The following KCNMA1 variants were observed in gnomAD, a reference collection of about 807,000 sequenced individuals.
The protein encoded by KCNMA1 is Calcium-activated potassium channel subunit alpha-1.
Under a neutral mutation model 140.0 loss-of-function variants are expected in KCNMA1, and 29 were observed. The ratio of observed to expected loss-of-function variants is 0.21; its 90% CI spans 0.15 to 0.28. The LOEUF (loss-of-function observed/expected upper bound fraction) is 0.28. KCNMA1 is among the 10% of genes least tolerant of loss of function. The pLI, the probability that KCNMA1 is intolerant of heterozygous loss-of-function variation, is 1.00. For synonymous variants in KCNMA1, 612 were observed against 611.9 expected (o/e 1.00, Z 0.00); for missense variants, 880 against 1,602.2 (o/e 0.55, Z 7.70).
At chr10:77,571,170 GA>G (rs1211889281) in intron 1 of KCNMA1, among the ~76,000 whole-genome samples, 1 of 151,926 alleles carries the variant, frequency 6.6e-6, no homozygotes, top group Non-Finnish European at 1.5e-5. Flanking sequence ...TATTCCATTG[GA>G]ACTATATCTG....
At chr10:77,298,155 A>G (rs1158937937) in intron 2 of KCNMA1, among the ~76,000 whole-genome samples, 1 of 152,216 alleles carries the variant, frequency 6.6e-6, no homozygotes, top group Non-Finnish European at 1.5e-5. Context: ...AGAGCTTGTC[A>G]ACAAAAAGGA....
intron 3 of KCNMA1, chr10:77,250,501 T>C (rs1057465605): frequency 4.5e-5 from 7 of 154,970 alleles, no homozygotes; most frequent in Admixed American, 2.5e-4. Flanking sequence ...GCCCTCTTCA[T>C]CCTTCTGCAA....
intron 1 of KCNMA1, among the ~76,000 whole-genome samples, chr10:77,413,417 C>T (rs535823568): frequency 4.3e-4 from 66 of 152,190 alleles, no homozygotes; most frequent in Middle Eastern, 3.4e-3. Flanking sequence ...ACCTCCTGGG[C>T]GGGTTTCCCA....
At chr10:77,183,593 T>G in intron 4 of KCNMA1, 61 bp from the exon 5 acceptor site, 1 of 1,135,434 alleles carries the variant, frequency 8.8e-7, no homozygotes, top group Admixed American at 1.9e-5. Flanking sequence ...TGGCATCCAA[T>G]GTACACTCTT....
At chr10:77,238,446 C>T (rs1230855214) in intron 3 of KCNMA1, among the ~76,000 whole-genome samples, 1 of 152,178 alleles carries the variant, frequency 6.6e-6, no homozygotes, top group Non-Finnish European at 1.5e-5. Flanking sequence ...TCAAAGAGCT[C>T]TTAGGCTTGG....
Position 77,493,627 on chromosome 10 carries a change from G to A in KCNMA1, c.379-89604C>T, listed in dbSNP as rs187193692. 2.2e-3 allele frequency among the ~76,000 whole-genome samples: 331 copies of A among 152,366 alleles called. 1 individual carries two copies. Among genetic ancestry groups the A allele is most frequent in the Non-Finnish European group, 4.0e-3 (270 of 68,038 alleles). ...CAAAAGGCCACATGTTTAACACCAC[G>A]TCAATCAATCAACGGAGGTGCACTG... On this transcript the variant is annotated intron_variant, in intron 1 of 27. Coordinates refer to ENST00000286628, the MANE Select transcript of KCNMA1 (RefSeq NM_001161352.2).
intron 5 of KCNMA1, among the ~76,000 whole-genome samples, chr10:77,171,968 T>C (rs1015679708): frequency 1.3e-5 from 2 of 152,182 alleles, no homozygotes; most frequent in Admixed American, 6.5e-5. Flanking sequence ...TAACATCTTA[T>C]AGAGGCAAGA....
At chr10:77,293,737 T>G (rs754502183) in intron 2 of KCNMA1, among the ~76,000 whole-genome samples, 1 of 152,228 alleles carries the variant, frequency 6.6e-6, no homozygotes, top group Admixed American at 6.5e-5. Context: ...CCCTTTCTCA[T>G]GTCCTCAAAG....
intron 19 of KCNMA1, chr10:76,977,775 G>A (rs886258529): frequency 6.5e-6 from 4 of 611,426 alleles, no homozygotes; most frequent in Non-Finnish European, 1.2e-5. Context: ...TAGCCCTGCT[G>A]GTCCGCTCGT....
intron 2 of KCNMA1, among the ~76,000 whole-genome samples, chr10:77,367,027 G>C (rs2094406896): frequency 6.6e-6 from 1 of 152,204 alleles, no homozygotes; most frequent in African/African-American, 2.4e-5. Context: ...CCTAGGGAGA[G>C]AAACATCTGA....
intron 16 of KCNMA1, among the ~76,000 whole-genome samples, chr10:77,025,998 A>AATATATAT (rs34726010): frequency 3.6e-5 from 5 of 139,908 alleles, no homozygotes; most frequent in Non-Finnish European, 6.2e-5. Flanking sequence ...AGAAAAAAAA[A>AATATATAT]ATATATATAT....
chr10:77,224,420 G>A (rs890933810), intron 3 of KCNMA1, among the ~76,000 whole-genome samples: 1 of 152,186 alleles, frequency 6.6e-6, no homozygotes, highest in African/African-American at 2.4e-5. Context: ...TGGATGCAAA[G>A]GCAGGACCCT....
chr10:77,608,544 C>T (rs1191132464), intron 1 of KCNMA1, among the ~76,000 whole-genome samples: 2 of 152,134 alleles, frequency 1.3e-5, no homozygotes. Flanking sequence ...CCCACACACA[C>T]ACGCATTATA....
chr10:77,092,790 C>A (rs1253256441), intron 9 of KCNMA1, among the ~76,000 whole-genome samples: 2 of 152,194 alleles, frequency 1.3e-5, no homozygotes, highest in East Asian at 3.9e-4. Flanking sequence ...AACATTCGTT[C>A]TTCCTACCCA....
chr10:76,914,711 C>T lies in KCNMA1; in HGVS notation c.3016+225G>A, dbSNP rs1304504370. On this transcript the variant is annotated intron_variant, in intron 24 of 27. Coordinates refer to ENST00000286628, the MANE Select transcript of KCNMA1 (RefSeq NM_001161352.2). ...TCTCATGCTCCTTTGAAAACAGTGA[C>T]CAGCATGAAGGAAACTGTCTATTCA... The T allele has an allele frequency of 6.4e-6, 3 of 470,154 alleles. No individual in the cohort carries two copies. The East Asian group carries it at 1.2e-4, about 19-fold the overall frequency. The allele number at this position is 470,154 out of a possible 1,614,324, so 29.1% of individuals were successfully genotyped here.
At chr10:77,225,061 T>C (rs1320719787) in intron 3 of KCNMA1, among the ~76,000 whole-genome samples, 1 of 152,102 alleles carries the variant, frequency 6.6e-6, no homozygotes, top group African/African-American at 2.4e-5. Context: ...GTTTTATGAG[T>C]GAATGAATAA....
intron 25 of KCNMA1, among the ~76,000 whole-genome samples, chr10:76,900,176 T>C (rs145931192): frequency 7.8e-4 from 119 of 152,204 alleles, no homozygotes; most frequent in African/African-American, 2.7e-3. Flanking sequence ...CACTGTTTCA[T>C]AATATAACAA....
At chr10:77,403,324 G>A (rs979708919) in intron 2 of KCNMA1, among the ~76,000 whole-genome samples, 1 of 152,230 alleles carries the variant, frequency 6.6e-6, no homozygotes, top group Non-Finnish European at 1.5e-5. Flanking sequence ...CCTCAGGTGG[G>A]CTACTGATGC....
intron 2 of KCNMA1, among the ~76,000 whole-genome samples, chr10:77,392,414 G>A (rs1419832534): frequency 2.0e-5 from 3 of 152,188 alleles, no homozygotes; most frequent in Non-Finnish European, 4.4e-5. Context: ...GGACTAGAAT[G>A]TCTGAGCTCC....
Sources: gnomAD v4.1 joint callset for allele counts (sites outside exome capture counted in the v4.1 genomes callset) on GRCh38, gnomAD v4.1.1 for gene constraint, MANE v1.5 for transcripts, NCBI Gene and HGNC (gene_info 2026-07-23, HGNC 2026-07-21) for gene names.